Variants in APP observed in about 807,000 individuals in gnomAD.
APP encodes the protein amyloid-beta precursor protein.
In APP, 31 loss-of-function variants were observed where a neutral mutation model predicts 101.4. The ratio of observed to expected loss-of-function variants is 0.31; its 90% confidence interval spans 0.23 to 0.41. The LOEUF is 0.41. APP is among the 10% of genes least tolerant of loss of function. The pLI is 1.00. For synonymous variants in APP, 366 were observed against 364.4 expected (o/e 1.00, Z -0.05); for missense variants, 839 against 1,003.7 (o/e 0.84, Z 2.22).
intron 1 of APP, among the ~76,000 whole-genome samples, chr21:26,162,498 G>A (rs2830101): frequency 0.4 from 60,417 of 151,626 alleles, 13,822 homozygotes; most frequent in African/African-American, 0.65. Flanking sequence ...GTGAAATAAC[G>A]AGCACACAGA....
At chr21:25,957,840 TAG>T (rs1355027668) in intron 11 of APP, among the ~76,000 whole-genome samples, 1 of 152,016 alleles carries the variant, frequency 6.6e-6, no homozygotes, top group Non-Finnish European at 1.5e-5. Flanking sequence ...AAAAATTAGC[TAG>T]GTGCAGTGAC....
At chr21:25,893,693 T>G (rs936623888) in intron 16 of APP, among the ~76,000 whole-genome samples, 4 of 152,188 alleles carry the variant, frequency 2.6e-5, no homozygotes, top group African/African-American at 9.7e-5. Flanking sequence ...AGAGGTTGAT[T>G]TCATGAGGTT....
At chr21:26,141,424 A>G (rs949138307) in intron 1 of APP, among the ~76,000 whole-genome samples, 3 of 152,242 alleles carry the variant, frequency 2.0e-5, no homozygotes, top group South Asian at 2.1e-4. Context: ...GACTGCTTTT[A>G]ATTTTCTATT....
intron 10 of APP, 58 bp downstream of exon 10, chr21:25,975,896 A>G: frequency 7.3e-7 from 1 of 1,366,262 alleles, no homozygotes; most frequent in East Asian, 2.3e-5. Flanking sequence ...ACCTGCAGAC[A>G]CTCATTAAAA....
At chr21:25,895,453 C>T (rs1350688222) in intron 16 of APP, among the ~76,000 whole-genome samples, 3 of 152,150 alleles carry the variant, frequency 2.0e-5, no homozygotes, top group South Asian at 2.1e-4. Context: ...CATGAGCCAC[C>T]GTGCCTGGCC....
chr21:26,157,375 G>C (rs979800753), intron 1 of APP, among the ~76,000 whole-genome samples: 2 of 152,050 alleles, frequency 1.3e-5, no homozygotes, highest in Non-Finnish European at 2.9e-5. Context: ...CGGCCTTTTT[G>C]ATTACTCTTA....
At chr21:25,921,560 C>A (rs368791564) in intron 13 of APP, among the ~76,000 whole-genome samples, 1 of 146,868 alleles carries the variant, frequency 6.8e-6, no homozygotes, top group East Asian at 2.0e-4. Flanking sequence ...ACCGATCCCA[C>A]AGAAATACAA....
At chr21:25,983,295 G>C (rs1255758702) in intron 8 of APP, among the ~76,000 whole-genome samples, 1 of 152,040 alleles carries the variant, frequency 6.6e-6, no homozygotes, top group Non-Finnish European at 1.5e-5. Context: ...AAAGAAAAAA[G>C]AATTTTGACT....
intron 2 of APP, among the ~76,000 whole-genome samples, chr21:26,093,636 TG>T (rs1056822855): frequency 3.8e-4 from 58 of 152,218 alleles, no homozygotes; most frequent in African/African-American, 1.4e-3. Context: ...TTAAAATCCA[TG>T]AAGACGGGGC....
At chr21:26,003,646 T>C (rs562641775) in intron 6 of APP, among the ~76,000 whole-genome samples, 1 of 152,342 alleles carries the variant, frequency 6.6e-6, no homozygotes, top group South Asian at 2.1e-4. Flanking sequence ...CTTCTCAATC[T>C]CTAAGAGACA....
chr21:25,975,950 T>C lies in APP; in HGVS notation c.1299+4A>G, dbSNP rs945993637. ...GTTTGGTAGGAAATGGGTTCAGGTT[T>C]TACCTGGATAACTGCCTTCTTATCA... On this transcript the variant is annotated splice_donor_region_variant and intron_variant, in intron 10 of 17. Transcript: ENST00000346798. 3 of 1,613,082 alleles carry C rather than the reference T, an allele frequency of 1.9e-6. No individual in the cohort carries two copies. The highest frequency in any genetic ancestry group is 2.5e-6 in the Non-Finnish European group (3 of 1,179,272).
chr21:25,907,885 G>A (rs2038872581), intron 14 of APP, among the ~76,000 whole-genome samples: 2 of 152,258 alleles, frequency 1.3e-5, no homozygotes, highest in African/African-American at 4.8e-5. Flanking sequence ...CTTCCTCATT[G>A]CCTCTATAAA....
At chr21:26,147,954 A>T (rs1298870677) in intron 1 of APP, among the ~76,000 whole-genome samples, 1 of 152,184 alleles carries the variant, frequency 6.6e-6, no homozygotes, top group African/African-American at 2.4e-5. Flanking sequence ...AAACCACCAA[A>T]GATACACAGT....
intron 1 of APP, among the ~76,000 whole-genome samples, chr21:26,167,732 A>G (rs1177311012): frequency 6.6e-6 from 1 of 152,172 alleles, no homozygotes; most frequent in Non-Finnish European, 1.5e-5. Context: ...GTGAACTTGC[A>G]TGTTCCTTTT....
intron 2 of APP, among the ~76,000 whole-genome samples, chr21:26,111,557 G>A (rs1427118392): frequency 6.6e-6 from 1 of 151,810 alleles, no homozygotes; most frequent in Admixed American, 6.6e-5. Flanking sequence ...CCAACACAAG[G>A]AGACCCCATC....
At chr21:25,994,560 A>C (rs2040235) in intron 8 of APP, among the ~76,000 whole-genome samples, 4,106 of 152,318 alleles carry the variant, frequency 0.027, 214 homozygotes, top group East Asian at 0.14. Flanking sequence ...CCCTAAGTGT[A>C]ATCTTTTATC....
At chr21:25,979,863 T>C (rs2042361143) in intron 9 of APP, among the ~76,000 whole-genome samples, 1 of 102 alleles carries the variant, frequency 9.8e-3, no homozygotes, top group Admixed American at 0.1. Context: ...GCAGGCTTCA[T>C]GACTTGAGGT....
intron 1 of APP, among the ~76,000 whole-genome samples, chr21:26,144,168 A>G (rs1471582242): frequency 6.6e-6 from 1 of 152,154 alleles, no homozygotes; most frequent in Non-Finnish European, 1.5e-5. Flanking sequence ...CTATTACCAG[A>G]ACAGGATGGG....
At chr21:26,126,744 T>C (rs1049669359) in intron 1 of APP, among the ~76,000 whole-genome samples, 8 of 152,062 alleles carry the variant, frequency 5.3e-5, no homozygotes, top group Admixed American at 3.9e-4. Flanking sequence ...TGGCTCAAAA[T>C]GTCAGTAATT....
Sources: allele counts gnomAD v4.1 joint callset (sites outside exome capture counted in the v4.1 genomes callset), GRCh38; gene constraint gnomAD v4.1.1; transcripts MANE v1.5; gene names NCBI Gene and HGNC (gene_info 2026-07-23, HGNC 2026-07-21).